The following SGCD variants were observed in gnomAD, a reference collection of about 807,000 sequenced individuals.
SGCD encodes the protein sarcoglycan delta.
Under a neutral mutation model 36.6 loss-of-function variants are expected in SGCD, and 18 were observed. That is an observed-to-expected ratio of 0.49 (90% CI 0.34 to 0.73). The LOEUF (loss-of-function observed/expected upper bound fraction) is 0.73, where lower values mean the gene tolerates loss of function less well. SGCD is among the 30% of genes least tolerant of loss of function. The probability of loss-of-function intolerance (pLI) is 0.01; values close to 1 mark genes in which losing one functional copy is unlikely to be tolerated. For synonymous variants in SGCD, 133 were observed against 130.6 expected, an observed-to-expected ratio of 1.02 and a Z score of -0.12; for missense variants, 387 against 346.7, an observed-to-expected ratio of 1.12 and a Z score of -0.92.
chr5:156,599,654 AG>A (rs1761086289), intron 6 of SGCD, among the ~76,000 whole-genome samples: 1 of 152,220 alleles, frequency 6.6e-6, no homozygotes, highest in African/African-American at 2.4e-5. Flanking sequence ...TAAAAAGACT[AG>A]AAGCTCAATT....
intron 3 of SGCD, among the ~76,000 whole-genome samples, chr5:156,171,379 C>T (rs1284337315): frequency 6.6e-6 from 1 of 152,166 alleles, no homozygotes; most frequent in Non-Finnish European, 1.5e-5. Context: ...TTCTGCTTAC[C>T]TATGAGCCCC....
At chr5:155,728,624 C>T in the SGCD span, among the ~76,000 whole-genome samples, 1 of 152,176 alleles carries the variant, frequency 6.6e-6, no homozygotes, top group Non-Finnish European at 1.5e-5. Flanking sequence ...AGGCTTTCCG[C>T]AGCCGCTTGG....
chr5:156,741,234 A>G lies in SGCD; in HGVS notation c.576-16347A>G, dbSNP rs567272318. 5.1e-4 allele frequency among the ~76,000 whole-genome samples: 78 copies of G among 152,366 alleles called. No individual in the cohort carries two copies. In the South Asian group the frequency reaches 0.014, roughly 28 times the overall value. On this transcript the variant is annotated intron_variant, in intron 7 of 8. Transcript: ENST00000337851. ...TAGATTCTTATGATGAAGGAAATGA[A>G]AACGAGAAATCTGGATAAGTAATCA...
intron 1 of SGCD, among the ~76,000 whole-genome samples, chr5:156,108,211 A>C (rs1427192279): frequency 6.6e-6 from 1 of 152,126 alleles, no homozygotes; most frequent in African/African-American, 2.4e-5. Flanking sequence ...TTAATGTTTA[A>C]TTTTTAAAAT....
intron 3 of SGCD, among the ~76,000 whole-genome samples, chr5:156,233,024 A>G (rs1053785196): frequency 1.3e-5 from 2 of 152,206 alleles, no homozygotes; most frequent in African/African-American, 4.8e-5. Flanking sequence ...TTCTTGATGC[A>G]TAGTTTTCCC....
the SGCD span, among the ~76,000 whole-genome samples, chr5:155,861,850 G>A: frequency 6.6e-6 from 1 of 152,230 alleles, no homozygotes; most frequent in Non-Finnish European, 1.5e-5. Context: ...GGAGTGAGGA[G>A]GGATCATAAT....
chr5:156,712,377 T>G (rs559204235), intron 7 of SGCD, among the ~76,000 whole-genome samples: 1 of 152,336 alleles, frequency 6.6e-6, no homozygotes, highest in Non-Finnish European at 1.5e-5. Flanking sequence ...GCTGTTGGTA[T>G]AGAGAGTGTT....
chr5:156,622,435 AAATAAT>A (rs56979795), intron 6 of SGCD, among the ~76,000 whole-genome samples: 6,397 of 136,996 alleles, frequency 0.047, 138 homozygotes, highest in Non-Finnish European at 0.053. Flanking sequence ...TCTGTCTAAA[AAATAAT>A]AATAATAATA....
intron 3 of SGCD, among the ~76,000 whole-genome samples, chr5:156,245,376 C>T (rs766735937): frequency 1.8e-4 from 28 of 151,976 alleles, no homozygotes; most frequent in Non-Finnish European, 3.1e-4. Context: ...GAATGATGAA[C>T]GATAGAATTT....
chr5:156,132,519 A>G (rs1581119178), intron 3 of SGCD, among the ~76,000 whole-genome samples: 1 of 112,234 alleles, frequency 8.9e-6, no homozygotes, highest in Non-Finnish European at 1.6e-5. Context: ...CCCAAGCTGG[A>G]CTGCAGTGGC....
intron 1 of SGCD, among the ~76,000 whole-genome samples, chr5:156,082,906 C>T (rs1032143583): frequency 6.6e-6 from 1 of 152,012 alleles, no homozygotes; most frequent in Non-Finnish European, 1.5e-5. Flanking sequence ...AGTTCTTTGT[C>T]ATCCTTGCTA....
chr5:156,526,965 GC>G (rs1194366374), intron 4 of SGCD, among the ~76,000 whole-genome samples: 1 of 152,158 alleles, frequency 6.6e-6, no homozygotes, highest in African/African-American at 2.4e-5. Context: ...AACAATGTCA[GC>G]CAGAGTTCTG....
intron 1 of SGCD, among the ~76,000 whole-genome samples, chr5:155,956,598 T>C (rs1316513595): frequency 6.6e-6 from 1 of 152,144 alleles, no homozygotes; most frequent in African/African-American, 2.4e-5. Context: ...TCCATAGTTC[T>C]GGAGGCCAGA....
intron 3 of SGCD, among the ~76,000 whole-genome samples, chr5:156,158,250 C>T (rs1029933839): frequency 1.3e-5 from 2 of 151,688 alleles, no homozygotes; most frequent in Admixed American, 6.6e-5. Context: ...ATCCTCTTTT[C>T]TCTAAACTTC....
At position 156,123,111 on chromosome 5, in the gene SGCD, C is replaced by T. The variant is rs193102945; in HGVS notation, c.-207-745C>T. 2.0e-3 allele frequency among the ~76,000 whole-genome samples: 303 copies of T among 152,080 alleles called. 1 individual carries two copies. Among genetic ancestry groups the T allele is most frequent in the African/African-American group, 6.9e-3 (287 of 41,490 alleles). ...GGTGGTGCTGATGACTAAGTCATGA[C>T]CTCAGTTGGGTCATCTTATATCTGA... On this transcript the variant is annotated intron_variant, in intron 2 of 9. Coordinates refer to the SGCD transcript ENST00000517913.
chr5:156,444,143 C>T (rs796242044), intron 3 of SGCD, among the ~76,000 whole-genome samples: 9 of 79,774 alleles, frequency 1.1e-4, no homozygotes, highest in Non-Finnish European at 1.3e-4. Context: ...TCTCTCCTTC[C>T]CTTTCTCTCT....
At chr5:156,392,366 T>C (rs1013475864) in intron 3 of SGCD, among the ~76,000 whole-genome samples, 2 of 152,170 alleles carry the variant, frequency 1.3e-5, no homozygotes, top group Non-Finnish European at 2.9e-5. Flanking sequence ...TGGGGAAAGT[T>C]CCCTTGCCCC....
chr5:156,031,750 T>C (rs1386031697), intron 1 of SGCD, among the ~76,000 whole-genome samples: 2 of 152,174 alleles, frequency 1.3e-5, no homozygotes, highest in Non-Finnish European at 2.9e-5. Flanking sequence ...GAGTTGAATA[T>C]TATTGTTTGC....
intron 3 of SGCD, among the ~76,000 whole-genome samples, chr5:156,394,264 GT>G (rs1159413551): frequency 6.6e-6 from 1 of 152,190 alleles, no homozygotes; most frequent in African/African-American, 2.4e-5. Flanking sequence ...GTGATAAGCA[GT>G]TGTGTAATAC....
Sources: gnomAD v4.1 joint callset for allele counts (sites outside exome capture counted in the v4.1 genomes callset) on GRCh38, gnomAD v4.1.1 for gene constraint, MANE v1.5 for transcripts, NCBI Gene and HGNC (gene_info 2026-07-23, HGNC 2026-07-21) for gene names.